The following TMEM154 variants were observed in gnomAD, a reference collection of about 807,000 sequenced individuals.
The protein encoded by TMEM154 is transmembrane protein 154.
In TMEM154, 27 loss-of-function variants were observed where a neutral mutation model predicts 24.5. The observed-to-expected ratio is 1.10, with a 90% CI of 0.81 to 1.52. The LOEUF is 1.52. Ranked by LOEUF, TMEM154 falls within the 40% of genes most tolerant of loss-of-function variation. TMEM154 has a pLI of 0.00. For missense variants in TMEM154, 228 were observed against 213.4 expected, an observed-to-expected ratio of 1.07 and a Z score of -0.43; for synonymous variants, 67 against 76.8, an observed-to-expected ratio of 0.87 and a Z score of 0.67.
At chr4:152,677,043 C>A (rs1728963597) in intron 1 of TMEM154, among the ~76,000 whole-genome samples, 1 of 152,196 alleles carries the variant, frequency 6.6e-6, no homozygotes, top group Non-Finnish European at 1.5e-5. Flanking sequence ...CCCTGCCCCA[C>A]TTTACTCCAT....
chr4:152,634,675 G>A (rs530015147), intron 6 of TMEM154, among the ~76,000 whole-genome samples: 4 of 152,148 alleles, frequency 2.6e-5, no homozygotes, highest in Non-Finnish European at 5.9e-5. Flanking sequence ...ACACACGTGC[G>A]CACGTGCATC....
chr4:152,665,737 T>C (rs1728705666), intron 1 of TMEM154, among the ~76,000 whole-genome samples: 1 of 151,780 alleles, frequency 6.6e-6, no homozygotes, highest in Non-Finnish European at 1.5e-5. Context: ...TTGTTGGGCG[T>C]AGTCTTACAG....
At chr4:152,662,604 A>AT (rs36120970) in intron 1 of TMEM154, among the ~76,000 whole-genome samples, 74,760 of 151,908 alleles carry the variant, frequency 0.49, 18,797 homozygotes, top group African/African-American at 0.6. Flanking sequence ...AGCTCAAGGG[A>AT]TTTCCCCCAA....
At chr4:152,669,619 A>C (rs1728786925) in intron 1 of TMEM154, 1 of 152,234 alleles carries the variant, frequency 6.6e-6, no homozygotes, top group Admixed American at 6.5e-5. Context: ...TAAACAAATA[A>C]GCAAACAAGT....
At chr4:152,638,111 A>G (rs1359917298) in intron 6 of TMEM154, among the ~76,000 whole-genome samples, 1 of 152,046 alleles carries the variant, frequency 6.6e-6, no homozygotes, top group Non-Finnish European at 1.5e-5. Context: ...AATAAAGTAA[A>G]ATAAAATTAG....
Position 152,627,320 on chromosome 4 carries a change from TTC to T in TMEM154, c.*1224_*1225del, listed in dbSNP as rs1455992752. ...GGTAGTAAAATAAATAAAATTTTCC[TTC>T]TTTGTCTCTTTCTTGAAATAAAATA... On this transcript the variant is annotated 3_prime_UTR_variant, in exon 7 of 7. Coordinates refer to ENST00000304385, the MANE Select transcript of TMEM154 (RefSeq NM_152680.3). 2 of 152,248 alleles carry T rather than the reference TTC, an allele frequency of 1.3e-5. No individual in the cohort carries two copies. Among genetic ancestry groups the T allele is most frequent in the African/African-American group, 4.8e-5 (2 of 41,466 alleles). The allele number at this position is 152,248 out of a possible 1,614,324, so 9.4% of individuals were successfully genotyped here.
chr4:152,677,590 G>T (rs189650389), intron 1 of TMEM154, among the ~76,000 whole-genome samples: 3 of 152,134 alleles, frequency 2.0e-5, no homozygotes, highest in African/African-American at 7.2e-5. Context: ...TCATCTCAAA[G>T]TCATAGCTTT....
intron 1 of TMEM154, among the ~76,000 whole-genome samples, chr4:152,654,664 A>G (rs1373806524): frequency 6.6e-6 from 1 of 152,238 alleles, no homozygotes; most frequent in African/African-American, 2.4e-5. Flanking sequence ...TAAGAAAACC[A>G]GAGTTCTCTT....
At chr4:152,675,941 CTCTG>C (rs1275961016) in intron 1 of TMEM154, among the ~76,000 whole-genome samples, 1 of 152,210 alleles carries the variant, frequency 6.6e-6, no homozygotes, top group African/African-American at 2.4e-5. Context: ...AGCTCATCCT[CTCTG>C]TCTGTTTTTT....
At chr4:152,635,518 T>G (rs1425168427) in intron 6 of TMEM154, among the ~76,000 whole-genome samples, 6 of 152,186 alleles carry the variant, frequency 3.9e-5, no homozygotes, top group African/African-American at 1.4e-4. Context: ...ACATATTAAG[T>G]GCTCAATAAA....
intron 3 of TMEM154, among the ~76,000 whole-genome samples, chr4:152,648,325 G>A (rs7700135): frequency 0.59 from 89,058 of 151,280 alleles, 26,362 homozygotes; most frequent in African/African-American, 0.65. Flanking sequence ...TCTACAAAAC[G>A]TTTTTTAAAA....
At chr4:152,643,001 C>T in intron 5 of TMEM154, 87 bp downstream of exon 5, 1 of 1,000,860 alleles carries the variant, frequency 1.0e-6, no homozygotes, top group Non-Finnish European at 1.5e-6. Flanking sequence ...TGTCTCACTC[C>T]AGGATTTATT....
intron 6 of TMEM154, among the ~76,000 whole-genome samples, chr4:152,640,338 G>T (rs978793945): frequency 6.6e-6 from 1 of 152,026 alleles, no homozygotes; most frequent in African/African-American, 2.4e-5. Flanking sequence ...CCCATGTCCT[G>T]ACAAAACAGT....
intron 1 of TMEM154, among the ~76,000 whole-genome samples, chr4:152,672,591 T>C (rs1728870350): frequency 6.6e-6 from 1 of 152,102 alleles, no homozygotes; most frequent in South Asian, 2.1e-4. Context: ...TGGCAGAGGA[T>C]TGAGAAATGA....
intron 1 of TMEM154, chr4:152,667,087 G>C (rs957860170): frequency 2.0e-5 from 3 of 152,228 alleles, no homozygotes; most frequent in African/African-American, 4.8e-5. Flanking sequence ...TCTGCCATCT[G>C]TCTCCTTCAC....
intron 1 of TMEM154, chr4:152,668,971 C>T (rs1032571482): frequency 1.5e-4 from 23 of 152,236 alleles, no homozygotes; most frequent in Admixed American, 9.8e-4. Context: ...TCCTACCCTT[C>T]CATCCTGAAC....
intron 1 of TMEM154, among the ~76,000 whole-genome samples, chr4:152,658,194 C>A: frequency 6.6e-6 from 1 of 151,852 alleles, no homozygotes; most frequent in Admixed American, 6.6e-5. Context: ...ACCATTGAGT[C>A]AAGAAAGAAA....
intron 1 of TMEM154, among the ~76,000 whole-genome samples, chr4:152,656,141 A>C (rs1728487290): frequency 6.6e-6 from 1 of 152,080 alleles, no homozygotes; most frequent in Non-Finnish European, 1.5e-5. Flanking sequence ...TGCCCAGTCC[A>C]TTGCAACCAC....
rs1053746120 is a variant in TMEM154 at position 152,653,021 on chromosome 4, G to A, written c.65-94C>T. ...TTTAAATTATTCCTAGATACATTCT[G>A]TGATAAATTTGACCCACTATACTTG... On this transcript the variant is annotated intron_variant, in intron 1 of 6. Transcript: ENST00000304385. 8 of 1,327,760 alleles carry A rather than the reference G, an allele frequency of 6.0e-6. No individual in the cohort carries two copies. The African/African-American group carries it at 8.9e-5, about 15-fold the overall frequency. The allele number at this position is 1,327,760 out of a possible 1,614,324, so 82.2% of individuals were successfully genotyped here.
Sources: allele counts gnomAD v4.1 joint callset (sites outside exome capture counted in the v4.1 genomes callset), GRCh38; gene constraint gnomAD v4.1.1; transcripts MANE v1.5; gene names NCBI Gene and HGNC (gene_info 2026-07-23, HGNC 2026-07-21).